Variants in CCDC171 observed in about 807,000 individuals in gnomAD.
The protein encoded by CCDC171 is coiled-coil domain-containing protein 171.
Under a neutral mutation model 168.2 loss-of-function variants are expected in CCDC171, and 177 were observed. That is an observed-to-expected ratio of 1.05 (90% CI 0.93 to 1.19). The LOEUF (loss-of-function observed/expected upper bound fraction) is 1.19, where lower values mean the gene tolerates loss of function less well. Ranked by LOEUF, CCDC171 falls within the 50% of genes most tolerant of loss-of-function variation. The pLI is 0.00. For missense variants in CCDC171, 1,991 were observed against 1,539.0 expected (o/e 1.29, Z -4.91); for synonymous variants, 687 against 540.8 (o/e 1.27, Z -3.75).
chr9:16,073,351 G>T, the CCDC171 span, among the ~76,000 whole-genome samples: 1 of 152,190 alleles, frequency 6.6e-6, no homozygotes, highest in Non-Finnish European at 1.5e-5. Context: ...GTCCCTGCCT[G>T]CAGGAAGGCT....
intron 10 of CCDC171, among the ~76,000 whole-genome samples, chr9:15,691,967 C>T (rs1424314253): frequency 1.3e-5 from 2 of 152,270 alleles, no homozygotes; most frequent in East Asian, 3.9e-4. Flanking sequence ...AGCCATTGCA[C>T]CCAGCCTTTC....
rs1203812321 is a variant in CCDC171, at chr9:15,581,965, A to G, written c.352+2942A>G. On this transcript the variant is annotated intron_variant, in intron 4 of 25. Coordinates refer to ENST00000380701, the MANE Select transcript of CCDC171 (RefSeq NM_173550.4). ...TTAAACTAAAGAGCTTCTGCACAGC[A>G]AAAGAAACTATCATCAGAATGAACA... Among the ~76,000 whole-genome samples, 9 of 152,378 alleles carry G rather than the reference A, an allele frequency of 5.9e-5. No individual in the cohort carries two copies. The East Asian group carries it at 1.5e-3, about 26-fold the overall frequency.
chr9:15,892,075 A>G (rs1820287731), intron 24 of CCDC171, among the ~76,000 whole-genome samples: 1 of 152,234 alleles, frequency 6.6e-6, no homozygotes, highest in Admixed American at 6.5e-5. Flanking sequence ...GCGTTTCAAT[A>G]TGAAATTTTA....
At chr9:15,625,258 C>T (rs2044964476) in intron 7 of CCDC171, among the ~76,000 whole-genome samples, 1 of 152,138 alleles carries the variant, frequency 6.6e-6, no homozygotes, top group African/African-American at 2.4e-5. Flanking sequence ...TTCTCCCATT[C>T]TATAGATTGC....
intron 2 of CCDC171, among the ~76,000 whole-genome samples, chr9:15,567,746 T>G (rs958034173): frequency 6.6e-6 from 1 of 151,958 alleles, no homozygotes; most frequent in African/African-American, 2.4e-5. Flanking sequence ...CCTCAACTCC[T>G]GAGCTCAAGT....
At chr9:15,677,500 G>C (rs2049669424) in intron 9 of CCDC171, among the ~76,000 whole-genome samples, 1 of 151,904 alleles carries the variant, frequency 6.6e-6, no homozygotes. Flanking sequence ...GAGCCACCCT[G>C]TCTCCTGCAA....
At chr9:16,062,420 G>C (rs1833942904), downstream of CCDC171, among the ~76,000 whole-genome samples, 1 of 152,092 alleles carries the variant, frequency 6.6e-6, no homozygotes, top group Non-Finnish European at 1.5e-5. Flanking sequence ...GCTGGGAGGA[G>C]GAAAGGATTG....
At chr9:15,776,180 T>G (rs779744408) in intron 18 of CCDC171, 9 of 152,140 alleles carry the variant, frequency 5.9e-5, no homozygotes, top group Non-Finnish European at 1.2e-4. Flanking sequence ...ATTATTATTA[T>G]AAAAACATGG....
intron 7 of CCDC171, among the ~76,000 whole-genome samples, chr9:15,648,810 T>C (rs556566716): frequency 6.6e-6 from 1 of 152,214 alleles, no homozygotes; most frequent in South Asian, 2.1e-4. Context: ...ATCATGAAAA[T>C]GGCCATACTG....
chr9:15,841,628 A>G (rs2060683459), intron 21 of CCDC171, among the ~76,000 whole-genome samples: 1 of 152,008 alleles, frequency 6.6e-6, no homozygotes, highest in African/African-American at 2.4e-5. Context: ...TTGTATTTAA[A>G]TTCCTCATAT....
chr9:15,975,832 G>T (rs1260489949), downstream of CCDC171, among the ~76,000 whole-genome samples: 1 of 152,184 alleles, frequency 6.6e-6, no homozygotes. Context: ...ACCTGTGAAT[G>T]TTACCGTCTA....
rs529467194 is a variant in CCDC171, at chr9:15,658,464, A to C, written c.915+1245A>C. Reference sequence around the variant, plus strand: ...AAGAGGGCTCCTGTGGCAGAATAACAGTCCCTCAAAGATGTCCACATCTGC... The same window carrying C: ...AAGAGGGCTCCTGTGGCAGAATAACCGTCCCTCAAAGATGTCCACATCTGC... On this transcript the variant is annotated intron_variant, in intron 8 of 25. Transcript: ENST00000380701. Among the ~76,000 whole-genome samples, 16 of 152,326 alleles carry C rather than the reference A, an allele frequency of 1.1e-4. No homozygotes were observed. The East Asian group carries it at 3.1e-3, about 29-fold the overall frequency.
chr9:15,648,114 A>C (rs147427093), intron 7 of CCDC171, among the ~76,000 whole-genome samples: 2,256 of 152,340 alleles, frequency 0.015, 64 homozygotes, highest in African/African-American at 0.051. Context: ...AATAAACGTA[A>C]TCCATCACAT....
At chr9:15,643,355 A>C (rs1392546467) in intron 7 of CCDC171, among the ~76,000 whole-genome samples, 2 of 152,140 alleles carry the variant, frequency 1.3e-5, no homozygotes, top group Non-Finnish European at 2.9e-5. Flanking sequence ...ATCTGGGATA[A>C]TGCTCATTCT....
At chr9:15,977,042 G>T (rs1464138772), downstream of CCDC171, among the ~76,000 whole-genome samples, 1 of 152,068 alleles carries the variant, frequency 6.6e-6, no homozygotes, top group African/African-American at 2.4e-5. Context: ...CATTCCTCCA[G>T]TCCTCCTGGT....
chr9:15,616,447 T>G (rs1014706379), intron 6 of CCDC171, among the ~76,000 whole-genome samples: 2 of 151,954 alleles, frequency 1.3e-5, no homozygotes, highest in African/African-American at 2.4e-5. Context: ...ACTATTTTAT[T>G]TATTTTACTA....
chr9:15,934,733 G>T (rs1270592786), intron 25 of CCDC171, among the ~76,000 whole-genome samples: 1 of 151,968 alleles, frequency 6.6e-6, no homozygotes, highest in African/African-American at 2.4e-5. Flanking sequence ...TATTTACAAA[G>T]CCAAAAGGTA....
At chr9:15,713,846 GT>G (rs1210363100) in intron 11 of CCDC171, among the ~76,000 whole-genome samples, 1 of 151,410 alleles carries the variant, frequency 6.6e-6, no homozygotes, top group Non-Finnish European at 1.5e-5. Context: ...GTAATGGAGA[GT>G]TGATTAAGAT....
intron 3 of CCDC171, among the ~76,000 whole-genome samples, chr9:15,577,128 T>C (rs1272183451): frequency 1.3e-5 from 2 of 152,244 alleles, no homozygotes; most frequent in African/African-American, 4.8e-5. Flanking sequence ...AAACTCTTCA[T>C]TGAACTTGTA....
Sources: gnomAD v4.1 joint callset for allele counts (sites outside exome capture counted in the v4.1 genomes callset) on GRCh38, gnomAD v4.1.1 for gene constraint, MANE v1.5 for transcripts, NCBI Gene and HGNC (gene_info 2026-07-23, HGNC 2026-07-21) for gene names.